Variants in RABEPK observed in about 807,000 individuals in gnomAD.
The protein encoded by RABEPK is 40 kDa Rab9 effector protein.
A neutral mutation model predicts 34.1 loss-of-function variants in RABEPK; 27 were observed. That is an observed-to-expected ratio of 0.79 (90% CI 0.58 to 1.09). The LOEUF (loss-of-function observed/expected upper bound fraction) is 1.09, where lower values mean the gene tolerates loss of function less well. RABEPK is among the 50% of genes least tolerant of loss of function. The probability of loss-of-function intolerance (pLI) is 0.00; values close to 1 mark genes in which losing one functional copy is unlikely to be tolerated. For synonymous variants in RABEPK, 172 were observed against 169.2 expected (o/e 1.02, Z -0.13); for missense variants, 449 against 462.6 (o/e 0.97, Z 0.27).
chr9:125,201,771 G>A (rs767973590), intron 1 of RABEPK, among the ~76,000 whole-genome samples: 1 of 151,690 alleles, frequency 6.6e-6, no homozygotes, highest in Non-Finnish European at 1.5e-5. Context: ...GGGCCACAAC[G>A]CCCAGCTAAT....
intron 3 of RABEPK, among the ~76,000 whole-genome samples, chr9:125,209,186 A>G (rs1380136540): frequency 1.3e-4 from 18 of 139,720 alleles, no homozygotes; most frequent in East Asian, 2.2e-4. Flanking sequence ...TCAGCCTCCT[A>G]AATAGCTGGG....
At chr9:125,211,091 G>A (rs1384534742) in intron 3 of RABEPK, among the ~76,000 whole-genome samples, 1 of 151,108 alleles carries the variant, frequency 6.6e-6, no homozygotes, top group African/African-American at 2.4e-5. Flanking sequence ...AAAAAAATTA[G>A]CCAGGCGTGG....
chr9:125,220,235 C>G, intron 4 of RABEPK: 2 of 1,199,854 alleles, frequency 1.7e-6, no homozygotes, highest in Non-Finnish European at 2.1e-6. Flanking sequence ...CTCCTGACCT[C>G]AAGTGATCCG....
chr9:125,204,623 A>G (rs1830103524), intron 2 of RABEPK, among the ~76,000 whole-genome samples: 1 of 152,300 alleles, frequency 6.6e-6, no homozygotes, highest in South Asian at 2.1e-4. Context: ...AAACTGGCCC[A>G]ATGGTCCCTG....
intron 5 of RABEPK, among the ~76,000 whole-genome samples, chr9:125,223,741 A>AC (rs958590493): frequency 1.3e-5 from 2 of 151,774 alleles, no homozygotes; most frequent in African/African-American, 2.4e-5. Flanking sequence ...AAAAAAAAAA[A>AC]AAAAAATGCT....
Position 125,234,153 on chromosome 9 carries a change from C to T in RABEPK, c.*173C>T, listed in dbSNP as rs1832424846. The T allele has an allele frequency of 3.0e-6, 2 of 657,284 alleles. No individual in the cohort carries two copies. Among genetic ancestry groups the T allele is most frequent in the African/African-American group, 1.8e-5 (1 of 54,606 alleles). The allele number at this position is 657,284 out of a possible 1,614,324, so 40.7% of individuals were successfully genotyped here. On this transcript the variant is annotated 3_prime_UTR_variant, in exon 8 of 8. Coordinates refer to ENST00000373538, the MANE Select transcript of RABEPK (RefSeq NM_005833.4). ...ATGTGCACTAAACCTTGCTATATTG[C>T]CTCTCAGAGCTCTTGGGAATGACTT...
chr9:125,226,303 C>T (rs1831741232), intron 5 of RABEPK, among the ~76,000 whole-genome samples: 1 of 146,950 alleles, frequency 6.8e-6, no homozygotes, highest in African/African-American at 2.5e-5. Context: ...AGCAACAGAG[C>T]AAAACTCTGT....
At chr9:125,215,686 T>G (rs1830890110) in intron 4 of RABEPK, among the ~76,000 whole-genome samples, 1 of 152,158 alleles carries the variant, frequency 6.6e-6, no homozygotes, top group African/African-American at 2.4e-5. Flanking sequence ...TCTCCATTTA[T>G]GAACATTTAG....
At position 125,234,126 on chromosome 9, in the gene RABEPK, T is replaced by C; in HGVS notation, c.*146T>C. The C allele has an allele frequency of 1.2e-6, 1 of 842,650 alleles. No individual in the cohort carries two copies. The highest frequency in any genetic ancestry group is 2.6e-5 in the Admixed American group (1 of 38,602). 52.2% of individuals were successfully genotyped at this position (842,650 alleles called of 1,614,324 possible). On this transcript the variant is annotated 3_prime_UTR_variant, in exon 8 of 8. Coordinates refer to ENST00000373538, the MANE Select transcript of RABEPK (RefSeq NM_005833.4). ...GTGAAGAAACTAATGCAAATAATTC[T>C]TATGTGCACTAAACCTTGCTATATT...
chr9:125,230,240 A>G (rs1832071803), intron 6 of RABEPK, among the ~76,000 whole-genome samples: 1 of 152,134 alleles, frequency 6.6e-6, no homozygotes, highest in South Asian at 2.1e-4. Flanking sequence ...CTGGGATTAT[A>G]GGCGTGAACC....
At chr9:125,227,794 T>G in intron 5 of RABEPK, 116 bp from the exon 6 acceptor site, 2 of 914,264 alleles carry the variant, frequency 2.2e-6, no homozygotes, top group South Asian at 2.5e-5. Context: ...ACCCCAGGGT[T>G]GCTTCCTGCA....
intron 4 of RABEPK, chr9:125,220,245 G>A (rs572381183): frequency 5.6e-5 from 70 of 1,243,048 alleles, no homozygotes; most frequent in Admixed American, 1.9e-4. Flanking sequence ...CAAGTGATCC[G>A]CCCGCCTTGG....
intron 7 of RABEPK, among the ~76,000 whole-genome samples, chr9:125,233,113 G>A (rs975029835): frequency 6.6e-6 from 1 of 151,204 alleles, no homozygotes; most frequent in African/African-American, 2.4e-5. Context: ...AAAAAGTGAT[G>A]CAGTGCTTCC....
At chr9:125,227,795 G>A in intron 5 of RABEPK, 115 bp from the exon 6 acceptor site, 3 of 939,702 alleles carry the variant, frequency 3.2e-6, no homozygotes, top group Non-Finnish European at 4.4e-6. Flanking sequence ...CCCCAGGGTT[G>A]CTTCCTGCAT....
chr9:125,224,578 G>C (rs529142188), intron 5 of RABEPK, among the ~76,000 whole-genome samples: 3 of 150,974 alleles, frequency 2.0e-5, no homozygotes, highest in Non-Finnish European at 1.5e-5. Context: ...TCAGCCTCCC[G>C]AGTAGCTTGG....
intron 3 of RABEPK, among the ~76,000 whole-genome samples, chr9:125,211,858 A>G (rs1256717432): frequency 6.6e-6 from 1 of 152,114 alleles, no homozygotes. Context: ...AATCCCAGCT[A>G]CTTGGGAGGC....
At position 125,232,580 on chromosome 9, in the gene RABEPK, TTCTTTC is replaced by T. The variant is rs747071300; in HGVS notation, c.677-11_677-6del. 1.5e-5 allele frequency: 24 copies of T among 1,606,562 alleles called. No homozygotes were observed. The African/African-American group carries it at 2.1e-4, about 14-fold the overall frequency. On this transcript the variant is annotated splice_polypyrimidine_tract_variant and intron_variant, in intron 6 of 7. Transcript: ENST00000373538. ...TTAGCCCATGCTGCGCCAAAGCTCT[TTCTTTC>T]TCTTGGCAGGTGACATGAAATGGCA...
chr9:125,228,990 A>T (rs1218018305), intron 6 of RABEPK, among the ~76,000 whole-genome samples: 2 of 151,048 alleles, frequency 1.3e-5, no homozygotes, highest in African/African-American at 4.9e-5. Flanking sequence ...ACAGTGGCTC[A>T]TGCCTGTAAT....
At chr9:125,211,092 C>T (rs531654265) in intron 3 of RABEPK, among the ~76,000 whole-genome samples, 1 of 151,264 alleles carries the variant, frequency 6.6e-6, no homozygotes, top group East Asian at 2.1e-4. Context: ...AAAAAATTAG[C>T]CAGGCGTGGT....
Sources: allele counts gnomAD v4.1 joint callset (sites outside exome capture counted in the v4.1 genomes callset), GRCh38; gene constraint gnomAD v4.1.1; transcripts MANE v1.5; gene names NCBI Gene and HGNC (gene_info 2026-07-23, HGNC 2026-07-21).